The following ZNF462 variants were observed in gnomAD, a reference collection of about 807,000 sequenced individuals.
ZNF462 encodes the protein zinc finger protein 462.
ZNF462 carries 10 observed loss-of-function variants against 201.9 expected under a neutral mutation model. The ratio of observed to expected loss-of-function variants is 0.05; its 90% CI spans 0.03 to 0.08. The LOEUF (loss-of-function observed/expected upper bound fraction) is 0.08. ZNF462 is among the 10% of genes least tolerant of loss of function. The probability of loss-of-function intolerance (pLI) is 1.00; values close to 1 mark genes in which losing one functional copy is unlikely to be tolerated. For missense variants in ZNF462, 2,523 were observed against 3,168.3 expected (o/e 0.80, Z 4.89); for synonymous variants, 1,227 against 1,193.3 (o/e 1.03, Z -0.58).
chr9:106,928,910 G>A lies in ZNF462; in HGVS notation c.4998G>A (p.Lys1666=), dbSNP rs148720292. 7 of 1,613,952 alleles carry A rather than the reference G, an allele frequency of 4.3e-6. No individual in the cohort carries two copies. The highest frequency in any genetic ancestry group is 1.3e-5 in the African/African-American group (1 of 74,910). Residue 1666 remains lysine (K), a synonymous_variant, in exon 3 of 13, where the codon AAG becomes AAA. Transcript: ENST00000277225. The surrounding 1 kb of genome is among the most constrained non-coding windows in gnomAD (Gnocchi z 9.3). The part of the protein sequence containing the change: ...SHTVFRCQLC[K]YFCSTRKGIA... ...CTGTGTTCCGGTGCCAGCTCTGCAAGTACTTCTGCTCCACGAGGAAGGGGA... is the reference window on the plus strand; with the variant it reads ...CTGTGTTCCGGTGCCAGCTCTGCAAATACTTCTGCTCCACGAGGAAGGGGA...
At chr9:106,906,241 C>T (rs1829269250) in intron 1 of ZNF462, among the ~76,000 whole-genome samples, 1 of 152,200 alleles carries the variant, frequency 6.6e-6, no homozygotes. Flanking sequence ...ACAGTATTTG[C>T]AGTGTCTCCT....
At chr9:106,991,173 A>G (rs1182614629) in intron 10 of ZNF462, among the ~76,000 whole-genome samples, 1 of 151,978 alleles carries the variant, frequency 6.6e-6, no homozygotes, top group Non-Finnish European at 1.5e-5. Context: ...AGAATCTACA[A>G]AAAAAAGCTA....
At chr9:106,990,050 C>A (rs1489971062) in intron 10 of ZNF462, among the ~76,000 whole-genome samples, 3 of 151,786 alleles carry the variant, frequency 2.0e-5, no homozygotes, top group East Asian at 3.9e-4. Flanking sequence ...TCATTTAGTT[C>A]TGCTCTGATC....
intron 10 of ZNF462, among the ~76,000 whole-genome samples, chr9:107,002,456 C>T (rs1046662898): frequency 9.9e-5 from 15 of 152,116 alleles, no homozygotes; most frequent in South Asian, 2.1e-4. Context: ...TTCTGAAAAT[C>T]GATTCATGAT....
chr9:106,961,072 T>C (rs1831815577), intron 7 of ZNF462, among the ~76,000 whole-genome samples: 1 of 152,094 alleles, frequency 6.6e-6, no homozygotes, highest in African/African-American at 2.4e-5. Flanking sequence ...GCTCTATTTG[T>C]ATGGTCTCAG....
intron 1 of ZNF462, among the ~76,000 whole-genome samples, chr9:106,866,082 A>G (rs1827318807): frequency 6.6e-6 from 1 of 152,232 alleles, no homozygotes; most frequent in Non-Finnish European, 1.5e-5. Context: ...GAAAACTTGG[A>G]GGAGATTCAG....
At chr9:106,861,870 C>A (rs1007864434), upstream of ZNF462, among the ~76,000 whole-genome samples, 2 of 152,196 alleles carry the variant, frequency 1.3e-5, no homozygotes, top group Non-Finnish European at 2.9e-5. Context: ...CACCATGACA[C>A]CTTATCATTA....
intron 7 of ZNF462, among the ~76,000 whole-genome samples, chr9:106,955,525 G>A (rs1010066637): frequency 6.6e-6 from 1 of 152,140 alleles, no homozygotes; most frequent in Admixed American, 6.6e-5. Context: ...ATTGGGAGTA[G>A]CTGTGTCAGT....
intron 7 of ZNF462, among the ~76,000 whole-genome samples, chr9:106,960,229 C>T (rs1179107987): frequency 6.6e-6 from 1 of 152,040 alleles, no homozygotes; most frequent in African/African-American, 2.4e-5. Context: ...GTGCTCTTTC[C>T]TCTTGATTAT....
Position 106,932,919 on chromosome 9 carries a change from A to G in ZNF462, c.6116+370A>G, listed in dbSNP as rs540486278. The stretch of plus-strand genomic sequence containing the variant: ...AGTCCATTTAGAAAACTGAGTTGCT[A>G]AAGAGGTAAAATTAGGACTATTAAC... On this transcript the variant is annotated intron_variant, in intron 5 of 12. Transcript: ENST00000277225. The surrounding 1 kb of genome is among the most constrained non-coding windows in gnomAD (Gnocchi z 6.8). The G allele has an allele frequency of 1.1e-4, 36 of 335,026 alleles. 2 individuals are homozygous for G. The highest frequency in any genetic ancestry group is 8.8e-4 in the South Asian group (27 of 30,516). 20.8% of individuals were successfully genotyped at this position (335,026 alleles called of 1,614,324 possible).
At chr9:106,976,465 C>G (rs1044779473) in intron 9 of ZNF462, 1 of 152,162 alleles carries the variant, frequency 6.6e-6, no homozygotes, top group Non-Finnish European at 1.5e-5. Flanking sequence ...ATCATAAATA[C>G]AATAGTAAGT....
upstream of ZNF462, among the ~76,000 whole-genome samples, chr9:106,862,458 C>A (rs1827097976): frequency 6.6e-6 from 1 of 152,076 alleles, no homozygotes; most frequent in South Asian, 2.1e-4. The surrounding 1 kb of genome is among the most constrained non-coding windows in gnomAD (Gnocchi z 4.2). Context: ...CACGCCTCGG[C>A]CCGGCGGCCG....
chr9:106,933,093 T>C lies in ZNF462; in HGVS notation c.6116+544T>C, dbSNP rs1830487935. The C allele has an allele frequency of 1.2e-5, 2 of 164,492 alleles. No homozygotes were observed. Among genetic ancestry groups the C allele is most frequent in the Non-Finnish European group, 2.7e-5 (2 of 74,764 alleles). 10.2% of individuals were successfully genotyped at this position (164,492 alleles called of 1,614,324 possible). On this transcript the variant is annotated intron_variant, in intron 5 of 12. Coordinates refer to ENST00000277225, the MANE Select transcript of ZNF462 (RefSeq NM_021224.6). This position sits in a 1 kb window ranked among gnomAD's most constrained non-coding sequence, Gnocchi z 4.3. ...CATCACAGCTTTGAAAGTGTAAATATGGAATAGGTGTGTAAGGCTTTTTGG... is the reference window on the plus strand; with the variant it reads ...CATCACAGCTTTGAAAGTGTAAATACGGAATAGGTGTGTAAGGCTTTTTGG...
intron 7 of ZNF462, among the ~76,000 whole-genome samples, chr9:106,939,626 T>C (rs1830781944): frequency 6.6e-6 from 1 of 152,142 alleles, no homozygotes. Flanking sequence ...AGCTAAAGGA[T>C]GCTAAGGAGG....
intron 7 of ZNF462, among the ~76,000 whole-genome samples, chr9:106,953,685 C>G (rs1831453036): frequency 6.6e-6 from 1 of 152,170 alleles, no homozygotes; most frequent in Non-Finnish European, 1.5e-5. Context: ...TCAACTTGCC[C>G]TCTTCTGATG....
chr9:106,997,191 G>A (rs1588184331), intron 10 of ZNF462, among the ~76,000 whole-genome samples: 1 of 152,222 alleles, frequency 6.6e-6, no homozygotes, highest in East Asian at 1.9e-4. Flanking sequence ...TTTGATATAT[G>A]TGAAGAAAAG....
chr9:106,995,015 G>A (rs1229596239), intron 10 of ZNF462, among the ~76,000 whole-genome samples: 4 of 152,022 alleles, frequency 2.6e-5, no homozygotes, highest in African/African-American at 9.7e-5. Context: ...GAAATTTTAA[G>A]TATCCTGTTC....
Position 107,003,702 on chromosome 9 carries a change from C to T in ZNF462, c.7189+276C>T, listed in dbSNP as rs944342352. 1.4e-4 allele frequency among the ~76,000 whole-genome samples: 22 copies of T among 152,034 alleles called. No homozygotes were observed. The highest frequency in any genetic ancestry group is 1.5e-5 in the Non-Finnish European group (1 of 68,008). On this transcript the variant is annotated intron_variant, in intron 11 of 12. Transcript: ENST00000277225. This position sits in a 1 kb window ranked among gnomAD's most constrained non-coding sequence, Gnocchi z 4.4. ...AGTGATTTGTTTTTAATAAGGAAAA[C>T]TGGTATCTAGGGAATCTTCAGAATA...
rs61405127 is a variant in ZNF462 at position 106,905,923 on chromosome 9, C to A, written c.-30-17431C>A. 6.6e-6 allele frequency among the ~76,000 whole-genome samples: 1 copy of A among 152,186 alleles called. No individual in the cohort carries two copies. Among genetic ancestry groups the A allele is most frequent in the African/African-American group, 2.4e-5 (1 of 41,444 alleles). On this transcript the variant is annotated intron_variant, in intron 1 of 12. Coordinates refer to ENST00000277225, the MANE Select transcript of ZNF462 (RefSeq NM_021224.6). The surrounding 1 kb of genome is among the most constrained non-coding windows in gnomAD (Gnocchi z 5.9). ...GTTCTGGCCAGGAGGCTTCTCACCA[C>A]GTTTAAATTGTTACAAAGTTCAGCT...
Sources: gnomAD v4.1 joint callset for allele counts (sites outside exome capture counted in the v4.1 genomes callset) on GRCh38, gnomAD v4.1.1 for gene constraint, Gnocchi (gnomAD v3.1) non-coding constraint, MANE v1.5 for transcripts, NCBI Gene and HGNC (gene_info 2026-07-23, HGNC 2026-07-21) for gene names.